The following ADCY8 variants were observed in gnomAD, a reference collection of about 807,000 sequenced individuals.
ADCY8 encodes adenylate cyclase 8.
In ADCY8, 51 loss-of-function variants were observed where a neutral mutation model predicts 119.7. That is an observed-to-expected ratio of 0.43 (90% CI 0.34 to 0.54). The LOEUF (loss-of-function observed/expected upper bound fraction) is 0.54. Ranked by LOEUF, ADCY8 falls within the 20% of genes least tolerant of loss-of-function variation. The pLI, the probability that ADCY8 is intolerant of heterozygous loss-of-function variation, is 0.03. For synonymous variants in ADCY8, 665 were observed against 651.0 expected, an observed-to-expected ratio of 1.02 and a Z score of -0.33; for missense variants, 1,383 against 1,598.8, an observed-to-expected ratio of 0.87 and a Z score of 2.30.
chr8:130,945,846 A>T (rs181172391), intron 3 of ADCY8, among the ~76,000 whole-genome samples: 1 of 152,242 alleles, frequency 6.6e-6, no homozygotes, highest in Non-Finnish European at 1.5e-5. Context: ...AGAGCCCTAC[A>T]TGTATTCACT....
chr8:130,868,806 C>T (rs1310080986), intron 8 of ADCY8, among the ~76,000 whole-genome samples: 3 of 152,166 alleles, frequency 2.0e-5, no homozygotes, highest in Admixed American at 6.5e-5. Flanking sequence ...GGATAGAAAA[C>T]TAAGTGTCAC....
At chr8:130,974,050 T>C (rs1400026353) in intron 2 of ADCY8, among the ~76,000 whole-genome samples, 1 of 152,204 alleles carries the variant, frequency 6.6e-6, no homozygotes, top group South Asian at 2.1e-4. Flanking sequence ...CTTGATAATA[T>C]GTGTATACAA....
At chr8:130,929,759 A>G (rs988039844) in intron 5 of ADCY8, among the ~76,000 whole-genome samples, 2 of 152,150 alleles carry the variant, frequency 1.3e-5, no homozygotes, top group African/African-American at 2.4e-5. Context: ...TAGTTATAAT[A>G]TAGTATTATC....
chr8:130,805,068 T>C (rs768678509), intron 14 of ADCY8, among the ~76,000 whole-genome samples: 3 of 152,204 alleles, frequency 2.0e-5, no homozygotes, highest in Non-Finnish European at 4.4e-5. Context: ...TCCTTAGTTT[T>C]ATTTCTCAGT....
At chr8:130,783,361 A>G (rs1815146733) in intron 17 of ADCY8, among the ~76,000 whole-genome samples, 1 of 152,246 alleles carries the variant, frequency 6.6e-6, no homozygotes, top group African/African-American at 2.4e-5. Context: ...TCAGAATTAA[A>G]TGACTGATTA....
intron 9 of ADCY8, 59 bp downstream of exon 9, chr8:130,867,787 T>A: frequency 7.9e-7 from 1 of 1,258,976 alleles, no homozygotes; most frequent in Admixed American, 1.9e-5. Context: ...GCTGGCTGAC[T>A]CCACATGAGG....
intron 3 of ADCY8, among the ~76,000 whole-genome samples, chr8:130,951,133 C>A (rs946226764): frequency 6.6e-6 from 1 of 150,986 alleles, no homozygotes; most frequent in East Asian, 2.0e-4. Flanking sequence ...TATTAATATT[C>A]ACTTATATGA....
Position 131,024,352 on chromosome 8 carries a change from C to T in ADCY8, c.960+15022G>A, listed in dbSNP as rs149469621. ...CAAAATGTTTTCTTATTCATTAGCT[C>T]ATTTACTGATAAAGGAGCTACTTTA... On this transcript the variant is annotated intron_variant, in intron 1 of 17. Coordinates refer to ENST00000286355, the MANE Select transcript of ADCY8 (RefSeq NM_001115.3). Among the ~76,000 whole-genome samples the T allele has an allele frequency of 2.8e-3, 422 of 152,270 alleles. 2 individuals are homozygous for T. The highest frequency in any genetic ancestry group is 9.8e-3 in the African/African-American group (409 of 41,552).
intron 14 of ADCY8, among the ~76,000 whole-genome samples, chr8:130,813,414 A>G (rs1255457400): frequency 6.6e-6 from 1 of 152,184 alleles, no homozygotes; most frequent in Non-Finnish European, 1.5e-5. Flanking sequence ...GCCCTTGGCA[A>G]CCACCATTCT....
At chr8:131,039,044 C>T (rs1824259836) in intron 1 of ADCY8, among the ~76,000 whole-genome samples, 1 of 152,126 alleles carries the variant, frequency 6.6e-6, no homozygotes, top group African/African-American at 2.4e-5. Flanking sequence ...GCTTCTCCTC[C>T]CCTTCTGTCT....
chr8:130,833,594 G>A (rs1586461677), intron 12 of ADCY8, among the ~76,000 whole-genome samples: 1 of 152,262 alleles, frequency 6.6e-6, no homozygotes, highest in African/African-American at 2.4e-5. Flanking sequence ...TTATGTTAAT[G>A]AAATGAGCCA....
intron 8 of ADCY8, among the ~76,000 whole-genome samples, chr8:130,874,820 T>G (rs913231926): frequency 4.6e-5 from 7 of 152,108 alleles, no homozygotes; most frequent in Non-Finnish European, 5.9e-5. Flanking sequence ...CTTTCATCCT[T>G]GGGAGGAAGA....
rs1254189191 is a variant in ADCY8, at chr8:130,780,872, T to C, written c.3274A>G (p.Ser1092Gly). 1 of 1,613,132 alleles carries C rather than the reference T, an allele frequency of 6.2e-7. No individual in the cohort carries two copies. Among genetic ancestry groups the C allele is most frequent in the Non-Finnish European group, 8.5e-7 (1 of 1,179,312 alleles). Residue 1092 changes from serine to glycine, a missense_variant, in exon 18 of 18, where the codon AGC becomes GGC. Around this residue, in one of 2 missense-constraint regions of ADCY8, gnomAD observed 928 missense variants for 1,163.5 expected, o/e 0.80. Coordinates refer to ENST00000286355, the MANE Select transcript of ADCY8 (RefSeq NM_001115.3). ...FNNFELRIGI[S>G]HGSVVAGVIG... The stretch of plus-strand genomic sequence containing the variant: ...ACGCCAGCTACCACTGAGCCGTGGC[T>C]GATGCCTGGGGGGTGAAGCAAAGGA...
chr8:130,986,161 A>G (rs558172350), intron 2 of ADCY8, among the ~76,000 whole-genome samples: 204 of 152,314 alleles, frequency 1.3e-3, no homozygotes, highest in Non-Finnish European at 2.1e-3. Context: ...AATTCCCCTA[A>G]CAAGTCAGCT....
At chr8:130,883,020 G>C (rs538876183) in intron 8 of ADCY8, among the ~76,000 whole-genome samples, 17 of 152,270 alleles carry the variant, frequency 1.1e-4, no homozygotes, top group Admixed American at 8.5e-4. Flanking sequence ...TCAGGGTGCT[G>C]TACTCTGGCT....
At chr8:131,028,356 C>T (rs554939017) in intron 1 of ADCY8, among the ~76,000 whole-genome samples, 9 of 152,212 alleles carry the variant, frequency 5.9e-5, no homozygotes, top group Non-Finnish European at 1.2e-4. Context: ...CAATATATCT[C>T]TCATAAATAG....
At chr8:130,966,101 C>T (rs950327601) in intron 2 of ADCY8, among the ~76,000 whole-genome samples, 1 of 152,132 alleles carries the variant, frequency 6.6e-6, no homozygotes, top group East Asian at 1.9e-4. Flanking sequence ...ACTGGGATGA[C>T]TTATGGAATC....
chr8:130,944,927 T>G (rs1230185052), intron 3 of ADCY8, among the ~76,000 whole-genome samples: 1 of 152,104 alleles, frequency 6.6e-6, no homozygotes, highest in Non-Finnish European at 1.5e-5. Context: ...ATGGAAACAG[T>G]GCAGGGTGAT....
intron 5 of ADCY8, among the ~76,000 whole-genome samples, chr8:130,932,095 C>T (rs574756337): frequency 6.6e-6 from 1 of 152,168 alleles, no homozygotes; most frequent in Non-Finnish European, 1.5e-5. Context: ...CCTGGGAAAG[C>T]ACTACGGCAG....
Sources: allele counts gnomAD v4.1 joint callset (sites outside exome capture counted in the v4.1 genomes callset), GRCh38; gene constraint gnomAD v4.1.1; regional missense constraint gnomAD v4.1.1; transcripts MANE v1.5; gene names NCBI Gene and HGNC (gene_info 2026-07-23, HGNC 2026-07-21).